Variants in TMEM163 observed in about 807,000 individuals in gnomAD.
TMEM163 encodes the protein transmembrane protein 163.
A neutral mutation model predicts 29.3 loss-of-function variants in TMEM163; 17 were observed. That is an observed-to-expected ratio of 0.58 (90% CI 0.40 to 0.87). The LOEUF is 0.87. Among genes scored for constraint, TMEM163 ranks in the 40% least tolerant of loss-of-function variants. TMEM163 has a pLI of 0.00. For synonymous variants in TMEM163, 157 were observed against 160.6 expected, an observed-to-expected ratio of 0.98 and a Z score of 0.17; for missense variants, 303 against 381.5, an observed-to-expected ratio of 0.79 and a Z score of 1.71.
intron 2 of TMEM163, among the ~76,000 whole-genome samples, chr2:134,576,937 C>T (rs115795982): frequency 9.8e-4 from 149 of 152,296 alleles, no homozygotes; most frequent in African/African-American, 3.5e-3. Flanking sequence ...CTTTCTAAAC[C>T]TCATAAACGC....
intron 4 of TMEM163, among the ~76,000 whole-genome samples, chr2:134,537,403 A>G (rs1680563675): frequency 6.6e-6 from 1 of 152,304 alleles, no homozygotes; most frequent in Middle Eastern, 3.4e-3. Flanking sequence ...CTCCTGGCTC[A>G]CAGACTGTGT....
At chr2:134,507,512 C>A (rs1220636095) in intron 4 of TMEM163, among the ~76,000 whole-genome samples, 8 of 152,168 alleles carry the variant, frequency 5.3e-5, no homozygotes, top group Admixed American at 4.6e-4. Flanking sequence ...GGGGACGTGG[C>A]CCCTCAATCT....
At chr2:134,602,560 G>T (rs1335774492) in intron 2 of TMEM163, among the ~76,000 whole-genome samples, 1 of 152,172 alleles carries the variant, frequency 6.6e-6, no homozygotes, top group East Asian at 1.9e-4. Flanking sequence ...AAAGCAGGTA[G>T]CCTGAATTGC....
chr2:134,527,614 C>T (rs891579935), intron 4 of TMEM163, among the ~76,000 whole-genome samples: 3 of 152,144 alleles, frequency 2.0e-5, no homozygotes, highest in African/African-American at 7.2e-5. Context: ...CAGGGCTCTC[C>T]ACTTCCCGCT....
intron 2 of TMEM163, among the ~76,000 whole-genome samples, chr2:134,704,663 A>G (rs1684769530): frequency 6.6e-6 from 1 of 152,020 alleles, no homozygotes; most frequent in Admixed American, 6.5e-5. Flanking sequence ...TCCAAACACA[A>G]ATGTACATGA....
chr2:134,569,796 T>C (rs1171690050), intron 2 of TMEM163, among the ~76,000 whole-genome samples: 2 of 152,210 alleles, frequency 1.3e-5, no homozygotes, highest in African/African-American at 4.8e-5. Flanking sequence ...CACAGTCGAC[T>C]ATAGTATGAA....
chr2:134,522,609 T>A (rs370914903), intron 4 of TMEM163, among the ~76,000 whole-genome samples: 1 of 152,254 alleles, frequency 6.6e-6, no homozygotes, highest in African/African-American at 2.4e-5. Flanking sequence ...GATCCCATAG[T>A]GGCTTCACCA....
At chr2:134,662,895 A>C (rs1017330369) in intron 2 of TMEM163, among the ~76,000 whole-genome samples, 9 of 152,174 alleles carry the variant, frequency 5.9e-5, no homozygotes, top group African/African-American at 2.2e-4. Context: ...CTGGGAACCA[A>C]GCACACTCCA....
intron 2 of TMEM163, among the ~76,000 whole-genome samples, chr2:134,649,447 C>T (rs751143563): frequency 1.3e-5 from 2 of 152,122 alleles, no homozygotes; most frequent in African/African-American, 2.4e-5. Flanking sequence ...TGCAATGTAG[C>T]CCATTGAAGC....
At chr2:134,704,650 A>G (rs1292752626) in intron 2 of TMEM163, among the ~76,000 whole-genome samples, 1 of 152,060 alleles carries the variant, frequency 6.6e-6, no homozygotes, top group Non-Finnish European at 1.5e-5. Context: ...GACCTACGAA[A>G]ATTCCAAACA....
chr2:134,595,467 A>T (rs1273642986), intron 2 of TMEM163, among the ~76,000 whole-genome samples: 3 of 152,210 alleles, frequency 2.0e-5, no homozygotes, highest in Admixed American at 1.3e-4. Context: ...ATGGCTGCAT[A>T]GTATTCCATG....
chr2:134,698,372 G>A (rs973562390), intron 2 of TMEM163, among the ~76,000 whole-genome samples: 27 of 152,298 alleles, frequency 1.8e-4, no homozygotes, highest in African/African-American at 6.5e-4. Context: ...GCATACAATT[G>A]TAAATAATGG....
chr2:134,556,146 G>A (rs1310017459), intron 2 of TMEM163, among the ~76,000 whole-genome samples: 1 of 152,180 alleles, frequency 6.6e-6, no homozygotes, highest in African/African-American at 2.4e-5. Context: ...CAAGAAGAAA[G>A]TAGATATTAA....
chr2:134,542,906 G>C (rs890961081), intron 4 of TMEM163, among the ~76,000 whole-genome samples: 2 of 152,100 alleles, frequency 1.3e-5, no homozygotes, highest in Admixed American at 1.3e-4. Flanking sequence ...CTGCCTCCTT[G>C]TCCCGTGGGA....
intron 2 of TMEM163, among the ~76,000 whole-genome samples, chr2:134,641,456 A>G (rs1195574369): frequency 6.6e-6 from 1 of 152,240 alleles, no homozygotes; most frequent in Admixed American, 6.5e-5. Flanking sequence ...ATAGCATAGA[A>G]AGCAATACCA....
chr2:134,616,249 C>A (rs1265565177), intron 2 of TMEM163, among the ~76,000 whole-genome samples: 1 of 152,152 alleles, frequency 6.6e-6, no homozygotes, highest in Non-Finnish European at 1.5e-5. Flanking sequence ...AGAAAGTTAG[C>A]CAAAGCTTTA....
intron 2 of TMEM163, among the ~76,000 whole-genome samples, chr2:134,691,547 C>T (rs1684466183): frequency 6.6e-6 from 1 of 152,218 alleles, no homozygotes; most frequent in African/African-American, 2.4e-5. Context: ...CGTGCATGTA[C>T]ACATACACAT....
chr2:134,652,100 A>G (rs1683493511), intron 2 of TMEM163, among the ~76,000 whole-genome samples: 1 of 140,334 alleles, frequency 7.1e-6, no homozygotes, highest in Non-Finnish European at 1.5e-5. Context: ...TGGTAGCTTT[A>G]TGGGAATGGC....
intron 6 of TMEM163, among the ~76,000 whole-genome samples, chr2:134,464,473 A>G (rs1000691069): frequency 6.6e-6 from 1 of 152,200 alleles, no homozygotes; most frequent in Non-Finnish European, 1.5e-5. Context: ...ACTGATGAGT[A>G]TCTGGGGTCT....
Sources: gnomAD v4.1 joint callset for allele counts (sites outside exome capture counted in the v4.1 genomes callset) on GRCh38, gnomAD v4.1.1 for gene constraint, MANE v1.5 for transcripts, NCBI Gene and HGNC (gene_info 2026-07-23, HGNC 2026-07-21) for gene names.